The following KALRN variants were observed in gnomAD, a reference collection of about 807,000 sequenced individuals.
The protein encoded by KALRN is kalirin RhoGEF kinase.
A neutral mutation model predicts 353.7 loss-of-function variants in KALRN; 70 were observed. That is an observed-to-expected ratio of 0.20 (90% CI 0.16 to 0.24). The LOEUF (loss-of-function observed/expected upper bound fraction) is 0.24. KALRN is among the 10% of genes least tolerant of loss of function. The pLI, the probability that KALRN is intolerant of heterozygous loss-of-function variation, is 1.00. For synonymous variants in KALRN, 1,391 were observed against 1,434.8 expected (o/e 0.97, Z 0.69); for missense variants, 2,791 against 3,756.7 (o/e 0.74, Z 6.72).
At chr3:124,556,016 T>C (rs1193809099) in intron 33 of KALRN, among the ~76,000 whole-genome samples, 1 of 152,162 alleles carries the variant, frequency 6.6e-6, no homozygotes, top group Non-Finnish European at 1.5e-5. Flanking sequence ...AATTTCCTCA[T>C]CTTAAAAATG....
At chr3:124,284,028 G>A (rs1218905694) in intron 5 of KALRN, among the ~76,000 whole-genome samples, 1 of 152,098 alleles carries the variant, frequency 6.6e-6, no homozygotes, top group East Asian at 1.9e-4. Context: ...CTTTGACCCA[G>A]ACATTTGAAT....
At chr3:124,660,196 G>C (rs1374831739) in intron 43 of KALRN, among the ~76,000 whole-genome samples, 1 of 152,136 alleles carries the variant, frequency 6.6e-6, no homozygotes, top group Non-Finnish European at 1.5e-5. Flanking sequence ...GCCTCCCAAA[G>C]TGTTGAGATT....
intron 49 of KALRN, chr3:124,675,255 T>C (rs1042499092): frequency 1.3e-5 from 2 of 152,300 alleles, no homozygotes; most frequent in South Asian, 4.1e-4. Context: ...TCCGAACACA[T>C]TCCTGTATAA....
chr3:124,718,985 G>C lies in KALRN; in HGVS notation c.8476G>C (p.Glu2826Gln). 2 of 1,614,224 alleles carry C rather than the reference G, an allele frequency of 1.2e-6. No individual in the cohort carries two copies. The highest frequency in any genetic ancestry group is 1.7e-6 in the Non-Finnish European group (2 of 1,180,046). The change falls in exon 60 of 60, where the codon GAG (glutamate) becomes CAG (glutamine). Residue 2826 changes from glutamate to glutamine, a missense_variant. By Grantham distance (29) the Glu-to-Gln change is conservative. This residue lies in a region of KALRN where 188 missense variants were observed against 402.9 expected (regional missense o/e 0.47). Transcript: ENST00000682506. ...PVPRVKLIDL[E>Q]DAVQISGHFH... Reference sequence around the variant, plus strand: ...GCCTCGAGTGAAGCTCATTGACTTGGAGGATGCTGTCCAGATCTCGGGTCA... The same window carrying C: ...GCCTCGAGTGAAGCTCATTGACTTGCAGGATGCTGTCCAGATCTCGGGTCA...
rs2059203725 is a variant in KALRN at position 124,455,373 on chromosome 3, T to C, written c.3735+14T>C. 6.2e-7 allele frequency: 1 copy of C among 1,611,606 alleles called. No homozygotes were observed. ...GTCAACACAGAGGTAGGCAGGGGTATTGTCCTCTGGGACATCCTCCCTTCT... is the reference window on the plus strand; with the variant it reads ...GTCAACACAGAGGTAGGCAGGGGTACTGTCCTCTGGGACATCCTCCCTTCT... On this transcript the variant is annotated intron_variant, in intron 22 of 59. Transcript: ENST00000682506.
At chr3:124,293,991 C>T (rs1157332031) in intron 5 of KALRN, among the ~76,000 whole-genome samples, 1 of 151,964 alleles carries the variant, frequency 6.6e-6, no homozygotes, top group Non-Finnish European at 1.5e-5. Flanking sequence ...TTGAATCAGC[C>T]ATCCCCAGAC....
chr3:124,345,535 C>A (rs1035504015), intron 9 of KALRN, among the ~76,000 whole-genome samples: 14 of 152,130 alleles, frequency 9.2e-5, no homozygotes, highest in African/African-American at 3.4e-4. Context: ...AAATCCAGCA[C>A]TACCACAATT....
intron 5 of KALRN, among the ~76,000 whole-genome samples, chr3:124,276,039 A>T (rs1037429753): frequency 6.6e-6 from 1 of 152,246 alleles, no homozygotes; most frequent in African/African-American, 2.4e-5. Flanking sequence ...TGCACCCTCT[A>T]CATCTGAGAC....
At chr3:124,093,136 T>C (rs2149374738) in intron 1 of KALRN, among the ~76,000 whole-genome samples, 1 of 152,226 alleles carries the variant, frequency 6.6e-6, no homozygotes, top group African/African-American at 2.4e-5. Context: ...TCTGCTTGCT[T>C]TCTCCCTCTC....
At chr3:124,252,229 A>G (rs2071272349) in intron 3 of KALRN, among the ~76,000 whole-genome samples, 1 of 152,140 alleles carries the variant, frequency 6.6e-6, no homozygotes, top group South Asian at 2.1e-4. Context: ...CCAACCCCAG[A>G]CCAATTAGTC....
intron 5 of KALRN, among the ~76,000 whole-genome samples, chr3:124,275,708 T>C (rs2074639775): frequency 6.6e-6 from 1 of 152,250 alleles, no homozygotes; most frequent in Non-Finnish European, 1.5e-5. Flanking sequence ...AGAGTGTCAC[T>C]GATGCTCTCT....
intron 7 of KALRN, among the ~76,000 whole-genome samples, chr3:124,326,487 T>A (rs1307304257): frequency 2.9e-4 from 44 of 152,234 alleles, no homozygotes. Flanking sequence ...CTGCTTAGTG[T>A]GCATTCTTTG....
intron 1 of KALRN, among the ~76,000 whole-genome samples, chr3:124,197,556 A>C (rs1034676144): frequency 1.3e-5 from 2 of 152,174 alleles, no homozygotes; most frequent in Non-Finnish European, 2.9e-5. Context: ...TGTGGGCAAG[A>C]ACTTTCCCAC....
At position 124,071,622 on chromosome 3, in the gene KALRN, T is replaced by A. The variant is rs186254714; in HGVS notation, c.73+37809T>A. 1.2e-4 allele frequency among the ~76,000 whole-genome samples: 19 copies of A among 152,318 alleles called. No homozygotes were observed. In the East Asian group the frequency reaches 3.1e-3, roughly 25 times the overall value. On this transcript the variant is annotated intron_variant, in intron 1 of 59. Transcript: ENST00000682506. ...GGAGGTGGCAGGTTTGTTGTAAGGATTCAGTCTCTGCTTCCAAGATGGCAC... is the reference window on the plus strand; with the variant it reads ...GGAGGTGGCAGGTTTGTTGTAAGGAATCAGTCTCTGCTTCCAAGATGGCAC...
chr3:124,477,355 T>C, intron 27 of KALRN, 21 bp downstream of exon 27: 1 of 1,561,900 alleles, frequency 6.4e-7, no homozygotes, highest in Non-Finnish European at 8.8e-7. Flanking sequence ...TTTTCCATTC[T>C]TGAGCAGCTG....
chr3:124,556,721 T>G (rs2071300780), intron 33 of KALRN, among the ~76,000 whole-genome samples: 1 of 152,228 alleles, frequency 6.6e-6, no homozygotes, highest in Non-Finnish European at 1.5e-5. Context: ...TTATTGTTGA[T>G]GTTATCATTA....
chr3:124,507,439 AG>A (rs2065361193), intron 33 of KALRN, among the ~76,000 whole-genome samples: 1 of 152,240 alleles, frequency 6.6e-6, no homozygotes, highest in Non-Finnish European at 1.5e-5. Flanking sequence ...GCAAACTACT[AG>A]GAACTACCAC....
At chr3:124,552,728 G>T (rs534120988) in intron 33 of KALRN, among the ~76,000 whole-genome samples, 10 of 152,238 alleles carry the variant, frequency 6.6e-5, no homozygotes, top group African/African-American at 2.4e-4. Flanking sequence ...ATTATCTCAA[G>T]ATATGTCATT....
At chr3:124,464,361 A>C (rs560727007) in intron 25 of KALRN, among the ~76,000 whole-genome samples, 15 of 152,342 alleles carry the variant, frequency 9.8e-5, no homozygotes, top group African/African-American at 3.6e-4. Context: ...GATCACTTGT[A>C]ACAAAATAGC....
Sources: gnomAD v4.1 joint callset for allele counts (sites outside exome capture counted in the v4.1 genomes callset) on GRCh38, gnomAD v4.1.1 for gene constraint, gnomAD v4.1.1 regional missense constraint, MANE v1.5 for transcripts, NCBI Gene and HGNC (gene_info 2026-07-23, HGNC 2026-07-21) for gene names.